Variants in TRIO observed in about 807,000 individuals in gnomAD.
TRIO encodes the protein trio Rho guanine nucleotide exchange factor.
Under a neutral mutation model 351.9 loss-of-function variants are expected in TRIO, and 58 were observed. The ratio of observed to expected loss-of-function variants is 0.16; its 90% CI spans 0.13 to 0.21. The LOEUF (loss-of-function observed/expected upper bound fraction) is 0.21. TRIO is among the 10% of genes least tolerant of loss of function. TRIO has a pLI of 1.00. For missense variants in TRIO, 3,201 were observed against 4,027.8 expected (o/e 0.79, Z 5.56); for synonymous variants, 1,758 against 1,595.7 (o/e 1.10, Z -2.42).
intron 43 of TRIO, among the ~76,000 whole-genome samples, chr5:14,480,673 G>A (rs1012832896): frequency 2.0e-5 from 3 of 152,226 alleles, no homozygotes; most frequent in African/African-American, 7.2e-5. Context: ...GAGGGACAAA[G>A]AGCTTGTCTT....
chr5:14,371,842 A>T (rs550979939), intron 18 of TRIO, among the ~76,000 whole-genome samples: 77 of 151,846 alleles, frequency 5.1e-4, no homozygotes, highest in African/African-American at 1.7e-3. Context: ...GAGTCTCCTT[A>T]TGTTGCCCAG....
intron 33 of TRIO, among the ~76,000 whole-genome samples, chr5:14,410,221 G>A (rs904308534): frequency 1.1e-4 from 16 of 152,258 alleles, no homozygotes; most frequent in Middle Eastern, 6.8e-3. Flanking sequence ...TGGAGAGGAC[G>A]TACCCATGCG....
intron 11 of TRIO, among the ~76,000 whole-genome samples, chr5:14,340,535 C>T (rs1343091146): frequency 6.6e-6 from 1 of 152,158 alleles, no homozygotes; most frequent in Non-Finnish European, 1.5e-5. Flanking sequence ...TGGCTCTCGT[C>T]CTCACTTTAT....
At chr5:14,308,478 A>G (rs932003767) in intron 8 of TRIO, among the ~76,000 whole-genome samples, 2 of 146,960 alleles carry the variant, frequency 1.4e-5, no homozygotes, top group African/African-American at 5.1e-5. Flanking sequence ...CATCCAACCA[A>G]TTACCCAGCC....
chr5:14,461,256 C>G lies in TRIO; in HGVS notation c.5441C>G (p.Ser1814Trp). 5 of 1,595,418 alleles carry G rather than the reference C, an allele frequency of 3.1e-6. No individual in the cohort carries two copies. The highest frequency in any genetic ancestry group is 2.3e-5 in the East Asian group (1 of 44,200). Reference protein sequence around the residue: ...REVRKSADAGSQKDSDDSAAT... With the variant: ...REVRKSADAGWQKDSDDSAAT... ...GTCCGCAAGAGCGCCGACGCCGGCT[C>G]GCAGAAGGACTCCGACGACAGTGCG... The change falls in exon 35 of 57, where the codon TCG becomes TGG. Residue 1814 changes from serine (S) to tryptophan (W), a missense_variant. Ser to Trp is a radical substitution (Grantham distance 177). Transcript: ENST00000344204.
intron 49 of TRIO, among the ~76,000 whole-genome samples, 191 bp from the exon 50 acceptor site, chr5:14,496,688 G>C (rs1459547795): frequency 1.3e-5 from 2 of 152,164 alleles, no homozygotes; most frequent in African/African-American, 4.8e-5. Flanking sequence ...AACTTTAAGA[G>C]ATTGTTGGTT....
chr5:14,509,264 T>C lies in TRIO; in HGVS notation c.*842T>C, dbSNP rs1409575978. On this transcript the variant is annotated 3_prime_UTR_variant, in exon 57 of 57. Transcript: ENST00000344204. ...GGGGGTTTTTTGGTTTTACTTCATA[T>C]CATGTGCAATGTTGTGGCTTTAACA... 2 of 360,300 alleles carry C rather than the reference T, an allele frequency of 5.6e-6. No individual in the cohort carries two copies. Among genetic ancestry groups the C allele is most frequent in the Non-Finnish European group, 1.1e-5 (2 of 186,252 alleles). The allele number at this position is 360,300 out of a possible 1,614,324, so 22.3% of individuals were successfully genotyped here.
chr5:14,159,642 C>T (rs947971119), intron 1 of TRIO, among the ~76,000 whole-genome samples: 5 of 151,044 alleles, frequency 3.3e-5, no homozygotes, highest in African/African-American at 9.7e-5. Flanking sequence ...GACCTCGGCT[C>T]ACTGCAACCT....
chr5:14,152,437 C>A (rs1236517891), intron 1 of TRIO, among the ~76,000 whole-genome samples: 3 of 152,206 alleles, frequency 2.0e-5, no homozygotes, highest in African/African-American at 7.2e-5. Flanking sequence ...ATGGCGCAAT[C>A]TTGGCTCACT....
At position 14,488,051 on chromosome 5, in the gene TRIO, C is replaced by T. The variant is rs780299553; in HGVS notation, c.7423C>T (p.Pro2475Ser). The change falls in exon 48 of 57, where the codon CCC becomes TCC. Residue 2475 changes from proline to serine, a missense_variant. Physicochemically the swap from Pro to Ser is moderately conservative, Grantham distance 74. Coordinates refer to ENST00000344204, the MANE Select transcript of TRIO (RefSeq NM_007118.4). ...VPSLGKEPFP[P>S]SSPLQKGGSF... Reference sequence around the variant, plus strand: ...TTCTCTCGGCAAGGAGCCCTTCCCCCCCAGCAGCCCCCTGCAGAAGGGGGG... The same window carrying T: ...TTCTCTCGGCAAGGAGCCCTTCCCCTCCAGCAGCCCCCTGCAGAAGGGGGG... 7.5e-6 allele frequency: 12 copies of T among 1,609,056 alleles called. No individual in the cohort carries two copies. Among genetic ancestry groups the T allele is most frequent in the South Asian group, 1.1e-5 (1 of 90,540 alleles).
chr5:14,357,609 G>A lies in TRIO; in HGVS notation c.2047-569G>A, dbSNP rs1285585791. On this transcript the variant is annotated intron_variant, in intron 11 of 56. Transcript: ENST00000344204. ...CCGTTGAAGGCCCGAACTGTTGGCA[G>A]CCTGATTGTGGGGCCTGGGCTCGTG... Among the ~76,000 whole-genome samples, 17 of 152,236 alleles carry A rather than the reference G, an allele frequency of 1.1e-4. No homozygotes were observed. The East Asian group carries it at 3.3e-3, about 30-fold the overall frequency.
intron 1 of TRIO, among the ~76,000 whole-genome samples, chr5:14,167,780 G>A (rs907520652): frequency 6.6e-6 from 1 of 152,180 alleles, no homozygotes; most frequent in African/African-American, 2.4e-5. Context: ...CTGGGTGGAT[G>A]CACCATGAAG....
intron 10 of TRIO, among the ~76,000 whole-genome samples, chr5:14,331,605 C>T (rs1740909827): frequency 1.3e-5 from 2 of 152,190 alleles, no homozygotes; most frequent in Non-Finnish European, 2.9e-5. Flanking sequence ...ACCCAAAATT[C>T]GAACCTCATG....
At chr5:14,151,993 T>C (rs574994532) in intron 1 of TRIO, among the ~76,000 whole-genome samples, 6 of 152,352 alleles carry the variant, frequency 3.9e-5, no homozygotes, top group African/African-American at 1.4e-4. Context: ...AATTCCTCTG[T>C]TTTTTATTCT....
intron 7 of TRIO, among the ~76,000 whole-genome samples, chr5:14,301,949 A>G (rs1286922718): frequency 1.3e-5 from 2 of 152,200 alleles, no homozygotes; most frequent in Admixed American, 6.5e-5. Flanking sequence ...GATTATTTCT[A>G]TCATGGGCTG....
intron 37 of TRIO, among the ~76,000 whole-genome samples, chr5:14,469,210 T>G (rs999168997): frequency 1.3e-5 from 2 of 152,154 alleles, no homozygotes; most frequent in Non-Finnish European, 2.9e-5. Context: ...CAGAAATTAA[T>G]GAGCTGGAAA....
In TRIO at chr5:14,465,556, G is replaced by A; in HGVS notation, c.5679G>A (p.Arg1893=). ...PDSQDDKASS[R]LLVRPTSSET... is the part of the protein sequence containing the mutation. Reference sequence around the variant, plus strand: ...AATTTCTTCTGTAGGCCTCTTCTCGGTTATTAGTCCGCCCCACCAGCTCCG... The same window carrying A: ...AATTTCTTCTGTAGGCCTCTTCTCGATTATTAGTCCGCCCCACCAGCTCCG... Residue 1893 remains arginine, a synonymous_variant, in exon 37 of 57, where the codon CGG becomes CGA. Coordinates refer to ENST00000344204, the MANE Select transcript of TRIO (RefSeq NM_007118.4). 6.2e-7 allele frequency: 1 copy of A among 1,614,092 alleles called. No homozygotes were observed. The highest frequency in any genetic ancestry group is 8.5e-7 in the Non-Finnish European group (1 of 1,180,018).
chr5:14,216,710 C>T (rs918200582), intron 1 of TRIO, among the ~76,000 whole-genome samples: 1 of 152,196 alleles, frequency 6.6e-6, no homozygotes, highest in African/African-American at 2.4e-5. Flanking sequence ...AGGATGGTAG[C>T]AGTATTATAA....
intron 40 of TRIO, among the ~76,000 whole-genome samples, chr5:14,475,748 T>G (rs1755027819): frequency 6.6e-6 from 1 of 152,224 alleles, no homozygotes; most frequent in African/African-American, 2.4e-5. Flanking sequence ...AGGCTAGTTT[T>G]TAAGGCTGTG....
Sources: allele counts gnomAD v4.1 joint callset (sites outside exome capture counted in the v4.1 genomes callset), GRCh38; gene constraint gnomAD v4.1.1; transcripts MANE v1.5; gene names NCBI Gene and HGNC (gene_info 2026-07-23, HGNC 2026-07-21).